Variants in MUC5B observed in about 807,000 individuals in gnomAD.
The protein encoded by MUC5B is mucin-5B.
MUC5B carries 116 observed loss-of-function variants against 376.9 expected under a neutral mutation model. That is an observed-to-expected ratio of 0.31 (90% CI 0.26 to 0.36). The LOEUF (loss-of-function observed/expected upper bound fraction) is 0.36. Among genes scored for constraint, MUC5B ranks in the 10% least tolerant of loss-of-function variants. MUC5B has a pLI of 1.00. For synonymous variants in MUC5B, 3,517 were observed against 3,390.9 expected, an observed-to-expected ratio of 1.04 and a Z score of -1.29; for missense variants, 7,165 against 7,769.9, an observed-to-expected ratio of 0.92 and a Z score of 2.93.
chr11:1,248,413 A>G lies in MUC5B; in HGVS notation c.11533A>G (p.Arg3845Gly), dbSNP rs201293884. The change falls in exon 31 of 49, where the codon AGG (arginine) becomes GGG (glycine). Residue 3845 changes from arginine (R) to glycine (G), a missense_variant. Arg to Gly is a moderately radical substitution (Grantham distance 125, BLOSUM62 -2). Coordinates refer to ENST00000529681, the MANE Select transcript of MUC5B (RefSeq NM_002458.3). ...GCTTACCACCACGGCCACCACAACC[A>G]GGGCCACCGGCTCTGTGGCCACCCC... ...TVLTTTATTTRATGSVATPSS... is the reference protein window; with the variant it reads ...TVLTTTATTTGATGSVATPSS... 0.028 allele frequency: 42,470 copies of G among 1,532,820 alleles called. 1,664 individuals are homozygous for G. The highest frequency in any genetic ancestry group is 0.062 in the African/African-American group (4,415 of 71,596). 95.0% of individuals were successfully genotyped at this position (1,532,820 alleles called of 1,614,324 possible).
At chr11:1,231,909 C>A in intron 14 of MUC5B, 87 bp from the exon 15 acceptor site, 1 of 1,564,394 alleles carries the variant, frequency 6.4e-7, no homozygotes, top group Non-Finnish European at 8.7e-7. Context: ...GCCGTTCCAC[C>A]CTGTGTGGTG....
At chr11:1,235,250 C>T (rs1477679098) in intron 22 of MUC5B, 27 bp downstream of exon 22, 1 of 1,611,116 alleles carries the variant, frequency 6.2e-7, no homozygotes, top group Non-Finnish European at 8.5e-7. Context: ...CCCACTCCTG[C>T]AGGCCGGGCA....
rs1347549624 is a variant in MUC5B at position 1,237,039 on chromosome 11, TC to T, written c.3177del (p.Ser1060ProfsTer51). On this transcript the variant is annotated frameshift_variant, in exon 25 of 49. Coordinates refer to ENST00000529681, the MANE Select transcript of MUC5B (RefSeq NM_002458.3). LOFTEE classifies it high-confidence loss of function. ...ALEFGNSWKL[S>X]PSCPDALAPK... ...GGAGTTTGGGAACAGCTGGAAGCTC[TC>T]CCCCTCCTGCCCGGACGCCCTGGCA... 4 of 1,575,564 alleles carry T rather than the reference TC, an allele frequency of 2.5e-6. No homozygotes were observed. Among genetic ancestry groups the T allele is most frequent in the Admixed American group, 1.8e-5 (1 of 54,640 alleles).
chr11:1,255,370 C>T lies in MUC5B; in HGVS notation c.15891-13C>T. The T allele has an allele frequency of 1.3e-6, 2 of 1,582,162 alleles. No homozygotes were observed. The highest frequency in any genetic ancestry group is 8.6e-7 in the Non-Finnish European group (1 of 1,160,962). On this transcript the variant is annotated splice_polypyrimidine_tract_variant and intron_variant, in intron 36 of 48. Coordinates refer to ENST00000529681, the MANE Select transcript of MUC5B (RefSeq NM_002458.3). ...GGCTGGGGGCCCTCCGTCCTGATCGCTTTGCCCCACAGGGTCTTTGCTGAG... is the reference window on the plus strand; with the variant it reads ...GGCTGGGGGCCCTCCGTCCTGATCGTTTTGCCCCACAGGGTCTTTGCTGAG...
chr11:1,235,517 T>C (rs752257895), intron 23 of MUC5B, 104 bp downstream of exon 23: 1 of 983,154 alleles, frequency 1.0e-6, no homozygotes, highest in African/African-American at 1.6e-5. Context: ...TTCTCAGCAG[T>C]GTCCTGGCCC....
At chr11:1,228,495 C>A in intron 7 of MUC5B, 69 bp from the exon 8 acceptor site, 1 of 1,399,416 alleles carries the variant, frequency 7.1e-7, no homozygotes, top group South Asian at 1.4e-5. Context: ...TGCCATGGGT[C>A]CTATTCCAGC....
At chr11:1,239,245 C>T (rs1478085885) in intron 26 of MUC5B, 193 bp from the exon 27 acceptor site, 1 of 896,686 alleles carries the variant, frequency 1.1e-6, no homozygotes, top group South Asian at 1.7e-5. Flanking sequence ...TCCTAGGGGA[C>T]AAGAGTTCCA....
chr11:1,250,269 C>G lies in MUC5B; in HGVS notation c.13389C>G (p.Thr4463=), dbSNP rs199975524. 6.2e-7 allele frequency: 1 copy of G among 1,606,148 alleles called. No homozygotes were observed. The highest frequency in any genetic ancestry group is 8.5e-7 in the Non-Finnish European group (1 of 1,175,302). The change falls in exon 31 of 49, where the codon ACC becomes ACG. Residue 4463 remains threonine, a synonymous_variant. Coordinates refer to ENST00000529681, the MANE Select transcript of MUC5B (RefSeq NM_002458.3). The stretch of plus-strand genomic sequence containing the variant: ...CTACAGCCACCGTGACGGTGCCCAC[C>G]GGATCCACGGCCACCGCCTCCTCCA... The part of the protein sequence containing the change: ...PSTTATVTVP[T]GSTATASSTQ...
In MUC5B at chr11:1,233,763, G is replaced by A. The variant is rs756827208; in HGVS notation, c.2322-30G>A. ...TGGGGTCTGCGGGGTGAGGGCCGCA[G>A]ATCCAGGCTGTGCCGTCTGTCTCTT... On this transcript the variant is annotated intron_variant, in intron 18 of 48. Transcript: ENST00000529681. 1.9e-5 allele frequency: 31 copies of A among 1,589,830 alleles called. No individual in the cohort carries two copies. The African/African-American group carries it at 3.0e-4, about 15-fold the overall frequency.
Position 1,252,468 on chromosome 11 carries a change from C to A in MUC5B, c.14989C>A (p.Pro4997Thr). 1 of 1,601,908 alleles carries A rather than the reference C, an allele frequency of 6.2e-7. No individual in the cohort carries two copies. The highest frequency in any genetic ancestry group is 1.7e-5 in the Admixed American group (1 of 58,486). ...CTCCCCACCGCCAGTGTCCTCCGCCCCGCTGTCCTCGCCCTCCCCTGCCCC... is the reference window on the plus strand; with the variant it reads ...CTCCCCACCGCCAGTGTCCTCCGCCACGCTGTCCTCGCCCTCCCCTGCCCC... ...PTSPPPVSSA[P>T]LSSPSPAPGC... Residue 4997 changes from proline (P) to threonine (T), a missense_variant, in exon 32 of 49, where the codon CCG becomes ACG. Around this residue, in one of 31 missense-constraint regions of MUC5B, gnomAD observed 730 missense variants for 592.7 expected, o/e 1.23. Transcript: ENST00000529681.
At position 1,261,565 on chromosome 11, in the gene MUC5B, C is replaced by G. The variant is rs757927317; in HGVS notation, c.17246C>G (p.Pro5749Arg). The G allele has an allele frequency of 3.1e-6, 5 of 1,608,644 alleles. 1 individual carries two copies. The South Asian group carries it at 3.3e-5, about 11-fold the overall frequency. ...PFCVPAPMAP[P>R]HTRGFPAQEA... ...TGTGTCCCTGCGCCCATGGCTCCCCCACACACCCGTGGCTTCCCGGCCCAG... is the reference window on the plus strand; with the variant it reads ...TGTGTCCCTGCGCCCATGGCTCCCCGACACACCCGTGGCTTCCCGGCCCAG... The change falls in exon 49 of 49, where the codon CCA becomes CGA. Residue 5749 changes from proline (P) to arginine (R), a missense_variant. Pro to Arg is a moderately radical substitution (Grantham distance 103, BLOSUM62 -2). Coordinates refer to ENST00000529681, the MANE Select transcript of MUC5B (RefSeq NM_002458.3).
At position 1,256,112 on chromosome 11, in the gene MUC5B, C is replaced by T. The variant is rs112505354; in HGVS notation, c.16067-44C>T. 6 of 710,094 alleles carry T rather than the reference C, an allele frequency of 8.4e-6. No individual in the cohort carries two copies. The East Asian group carries it at 1.3e-4, about 16-fold the overall frequency. The allele number at this position is 710,094 out of a possible 1,614,324, so 44.0% of individuals were successfully genotyped here. ...GCGGTGATTGGGGGCGGCCCTGGGC[C>T]CCCCCAACCCCTTGGCTTGTCTGAC... is the stretch of plus-strand genomic sequence containing the variant. On this transcript the variant is annotated intron_variant, in intron 37 of 48. Coordinates refer to ENST00000529681, the MANE Select transcript of MUC5B (RefSeq NM_002458.3).
rs56180487 is a variant in MUC5B, at chr11:1,256,789, T to C, written c.16237+18T>C. 45,192 of 1,515,830 alleles carry C rather than the reference T, an allele frequency of 0.03. 850 individuals carry two copies. The highest frequency in any genetic ancestry group is 0.033 in the Non-Finnish European group (36,786 of 1,131,612). 93.9% of individuals were successfully genotyped at this position (1,515,830 alleles called of 1,614,324 possible). On this transcript the variant is annotated intron_variant, in intron 39 of 48. Coordinates refer to ENST00000529681, the MANE Select transcript of MUC5B (RefSeq NM_002458.3). ...GGCCTGCCGTAAGCTCCGCCACCTG[T>C]GGCGGGATACGACCCTGGGCCCGAC...
At position 1,257,695 on chromosome 11, in the gene MUC5B, C is replaced by T. The variant is rs760511098; in HGVS notation, c.16435C>T (p.Pro5479Ser). 6.4e-7 allele frequency: 1 copy of T among 1,560,832 alleles called. No individual in the cohort carries two copies. The highest frequency in any genetic ancestry group is 1.9e-5 in the Admixed American group (1 of 53,742). ...GCCCCGGGCCGAGAACCCCTGCTGC[C>T]CCGAGACGGTGTGCGGTAAGACGCT... Reference protein sequence around the residue: ...TRPRAENPCCPETVCVCNTTT... With the variant: ...TRPRAENPCCSETVCVCNTTT... Residue 5479 changes from proline (P) to serine (S), a missense_variant, in exon 41 of 49, where the codon CCC (proline) becomes TCC (serine). Pro to Ser is a moderately conservative substitution (Grantham distance 74). Transcript: ENST00000529681. The surrounding 1 kb of genome is among the most constrained non-coding windows in gnomAD (Gnocchi z 8.9).
rs1244384941 is a variant in MUC5B at position 1,257,676 on chromosome 11, G to C, written c.16416G>C (p.Arg5472=). 3.2e-6 allele frequency: 5 copies of C among 1,575,136 alleles called. No homozygotes were observed. Among genetic ancestry groups the C allele is most frequent in the Non-Finnish European group, 4.3e-6 (5 of 1,168,106 alleles). The change falls in exon 41 of 49, where the codon CGG becomes CGC. Residue 5472 remains arginine (R), a synonymous_variant. Coordinates refer to ENST00000529681, the MANE Select transcript of MUC5B (RefSeq NM_002458.3). The surrounding 1 kb of genome is among the most constrained non-coding windows in gnomAD (Gnocchi z 8.9). Reference sequence around the variant, plus strand: ...GCTTCGTAACCGTGACCAGGCCCCGGGCCGAGAACCCCTGCTGCCCCGAGA... The same window carrying C: ...GCTTCGTAACCGTGACCAGGCCCCGCGCCGAGAACCCCTGCTGCCCCGAGA... ...RPGFVTVTRP[R]AENPCCPETV...
At position 1,245,051 on chromosome 11, in the gene MUC5B, C is replaced by A; in HGVS notation, c.8171C>A (p.Thr2724Asn). ...CCCCCAGTGCTGACCACCACCGCCA[C>A]CACACCTGCAGCCACCAGCAGCACA... Reference protein sequence around the residue: ...PIPPVLTTTATTPAATSSTVT... With the variant: ...PIPPVLTTTANTPAATSSTVT... Residue 2724 changes from threonine (T) to asparagine (N), a missense_variant, in exon 31 of 49, where the codon ACC becomes AAC. This residue lies in a region of MUC5B where 70 missense variants were observed against 169.1 expected (regional missense o/e 0.41). Coordinates refer to ENST00000529681, the MANE Select transcript of MUC5B (RefSeq NM_002458.3). The A allele has an allele frequency of 3.2e-6, 5 of 1,547,006 alleles. No individual in the cohort carries two copies. Among genetic ancestry groups the A allele is most frequent in the Non-Finnish European group, 4.4e-6 (5 of 1,144,996 alleles).
Position 1,248,503 on chromosome 11 carries a change from G to C in MUC5B, c.11623G>C (p.Val3875Leu). Residue 3875 changes from valine (V) to leucine (L), a missense_variant, in exon 31 of 49, where the codon GTC becomes CTC. Transcript: ENST00000529681. ...GACTACCACAACCACGGGCTTCACA[G>C]TCACCCCCTCCTCCAGCCCAGGGAC... ...VPTTTTTGFTVTPSSSPGTAR... is the reference protein window; with the variant it reads ...VPTTTTTGFTLTPSSSPGTAR... 1.2e-6 allele frequency: 2 copies of C among 1,611,972 alleles called. No homozygotes were observed. Among genetic ancestry groups the C allele is most frequent in the Non-Finnish European group, 1.7e-6 (2 of 1,178,994 alleles).
rs1390726518 is a variant in MUC5B at position 1,257,306 on chromosome 11, C to G, written c.16269+35C>G. 1.3e-6 allele frequency: 1 copy of G among 786,828 alleles called. No individual in the cohort carries two copies. The highest frequency in any genetic ancestry group is 2.4e-5 in the East Asian group (1 of 41,270). 48.7% of individuals were successfully genotyped at this position (786,828 alleles called of 1,614,324 possible). A position where few individuals can be genotyped will look rare whatever the true frequency, so the allele number is the denominator to read the frequency against. On this transcript the variant is annotated intron_variant, in intron 40 of 48. Coordinates refer to ENST00000529681, the MANE Select transcript of MUC5B (RefSeq NM_002458.3). The surrounding 1 kb of genome is among the most constrained non-coding windows in gnomAD (Gnocchi z 8.9). ...TCCACCCCCACCTGCCCTACCCCAC[C>G]CTCTCGCGAGCTGAGGGAGGGAGGG... is the stretch of plus-strand genomic sequence containing the variant.
Position 1,228,575 on chromosome 11 carries a change from C to T in MUC5B, c.786C>T (p.Cys262=), listed in dbSNP as rs577715372. ...ACTGTGCTCCCCAGGAGGGCATCTG[C>T]CACCGCACCCTGCTGGGGCCGGCCT... The part of the protein sequence containing the change: ...AGNCTDEEGI[C]HRTLLGPAFA... The change falls in exon 8 of 49, where the codon TGC becomes TGT. Residue 262 remains cysteine, a synonymous_variant. Transcript: ENST00000529681. 9.2e-6 allele frequency: 14 copies of T among 1,525,390 alleles called. No individual in the cohort carries two copies. The East Asian group carries it at 3.2e-4, about 35-fold the overall frequency. The allele number at this position is 1,525,390 out of a possible 1,614,324, so 94.5% of individuals were successfully genotyped here. A position where few individuals can be genotyped will look rare whatever the true frequency, so the allele number is the denominator to read the frequency against.
Sources: allele counts gnomAD v4.1 joint callset, GRCh38; gene constraint gnomAD v4.1.1; regional missense constraint gnomAD v4.1.1; non-coding constraint Gnocchi (gnomAD v3.1); transcripts MANE v1.5; gene names NCBI Gene and HGNC (gene_info 2026-07-23, HGNC 2026-07-21).